CPNE8: variants seen among roughly 807,000 people sequenced by gnomAD.
CPNE8 encodes the protein copine-8.
Under a neutral mutation model 81.5 loss-of-function variants are expected in CPNE8, and 45 were observed. The ratio of observed to expected loss-of-function variants is 0.55; its 90% CI spans 0.44 to 0.71. The LOEUF (loss-of-function observed/expected upper bound fraction) is 0.71, where lower values mean the gene tolerates loss of function less well. Ranked by LOEUF, CPNE8 falls within the 30% of genes least tolerant of loss-of-function variation. The pLI is 0.00. For synonymous variants in CPNE8, 252 were observed against 226.3 expected, an observed-to-expected ratio of 1.11 and a Z score of -1.02; for missense variants, 594 against 672.1, an observed-to-expected ratio of 0.88 and a Z score of 1.28.
At chr12:38,791,386 T>C (rs1415233096) in intron 6 of CPNE8, among the ~76,000 whole-genome samples, 1 of 151,510 alleles carries the variant, frequency 6.6e-6, no homozygotes, top group African/African-American at 2.4e-5. Context: ...GTTATTAAAA[T>C]ATACTTACTA....
intron 16 of CPNE8, among the ~76,000 whole-genome samples, chr12:38,683,147 G>C (rs1939448542): frequency 6.6e-6 from 1 of 152,044 alleles, no homozygotes; most frequent in African/African-American, 2.4e-5. Flanking sequence ...GAGATACATA[G>C]ATATGAATCC....
intron 6 of CPNE8, among the ~76,000 whole-genome samples, chr12:38,778,499 C>T (rs1033408219): frequency 2.6e-5 from 4 of 152,168 alleles, no homozygotes; most frequent in Admixed American, 6.5e-5. Context: ...TTTGTGTTCA[C>T]TCCCATGCCT....
chr12:38,793,173 T>C (rs568026210), intron 6 of CPNE8, among the ~76,000 whole-genome samples: 1 of 143,264 alleles, frequency 7.0e-6, no homozygotes, highest in East Asian at 1.9e-4. Context: ...GGAAGGCAAG[T>C]ATGCCCACTC....
At chr12:38,894,658 A>ACTCTCTCTCTCT (rs60538878) in intron 1 of CPNE8, among the ~76,000 whole-genome samples, 1 of 124,460 alleles carries the variant, frequency 8.0e-6, no homozygotes, top group African/African-American at 3.2e-5. Flanking sequence ...ACTCCAGCTC[A>ACTCTCTCTCTCT]CTCTCTCTCT....
At chr12:38,737,521 C>T (rs534777219) in intron 10 of CPNE8, among the ~76,000 whole-genome samples, 4 of 152,164 alleles carry the variant, frequency 2.6e-5, no homozygotes, top group Admixed American at 6.5e-5. Context: ...TGGGCCAATG[C>T]TAAATATAGA....
chr12:38,819,981 C>T (rs1223498977), intron 6 of CPNE8, among the ~76,000 whole-genome samples: 2 of 151,820 alleles, frequency 1.3e-5, no homozygotes, highest in Admixed American at 6.6e-5. Flanking sequence ...TCAAACTATG[C>T]CATACACAAG....
chr12:38,815,661 T>G (rs1943012343), intron 6 of CPNE8, among the ~76,000 whole-genome samples: 1 of 152,204 alleles, frequency 6.6e-6, no homozygotes, highest in South Asian at 2.1e-4. Context: ...AAATTGCAAC[T>G]TTTGTTTAAA....
intron 10 of CPNE8, among the ~76,000 whole-genome samples, chr12:38,743,083 C>A (rs1203900277): frequency 2.0e-5 from 3 of 152,068 alleles, no homozygotes; most frequent in African/African-American, 7.2e-5. Context: ...AACTGAAAAT[C>A]TAAAATCTTA....
At chr12:38,683,363 T>A (rs1034386464) in intron 16 of CPNE8, among the ~76,000 whole-genome samples, 1 of 152,160 alleles carries the variant, frequency 6.6e-6, no homozygotes, top group East Asian at 1.9e-4. Flanking sequence ...TATTAACATA[T>A]ACAGAATTTG....
At chr12:38,802,761 A>G (rs1256698111) in intron 6 of CPNE8, among the ~76,000 whole-genome samples, 26 of 147,522 alleles carry the variant, frequency 1.8e-4, no homozygotes. Flanking sequence ...GACCGCTAGC[A>G]AGACTAATAA....
chr12:38,775,854 G>A (rs1043721888), intron 7 of CPNE8, among the ~76,000 whole-genome samples: 2 of 151,998 alleles, frequency 1.3e-5, no homozygotes, highest in Non-Finnish European at 2.9e-5. Flanking sequence ...ATACAAATGG[G>A]GTAAACTCAA....
upstream of CPNE8, chr12:38,906,494 G>T (rs931331841): frequency 3.9e-5 from 38 of 985,600 alleles, no homozygotes; most frequent in African/African-American, 5.2e-5. Context: ...AGGCATGAAA[G>T]TTCTGACCTG....
intron 11 of CPNE8, among the ~76,000 whole-genome samples, 173 bp downstream of exon 11, chr12:38,730,110 T>G (rs560860484): frequency 1.3e-5 from 2 of 152,002 alleles, no homozygotes; most frequent in Non-Finnish European, 2.9e-5. Context: ...TAAATGTGAC[T>G]TGAAGAAGTA....
At chr12:38,704,018 G>A (rs985939533) in intron 13 of CPNE8, among the ~76,000 whole-genome samples, 3 of 152,112 alleles carry the variant, frequency 2.0e-5, no homozygotes, top group African/African-American at 4.8e-5. Flanking sequence ...CAAACACCAC[G>A]TATTCTTCCT....
intron 10 of CPNE8, among the ~76,000 whole-genome samples, chr12:38,742,295 T>C (rs1000617158): frequency 1.6e-4 from 24 of 152,030 alleles, no homozygotes; most frequent in Non-Finnish European, 2.8e-4. Flanking sequence ...CCATCAATGA[T>C]AGACTGGATT....
At chr12:38,807,363 T>A (rs71463310) in intron 6 of CPNE8, among the ~76,000 whole-genome samples, 1 of 149,334 alleles carries the variant, frequency 6.7e-6, no homozygotes, top group East Asian at 2.0e-4. Context: ...ACTACAAGGC[T>A]ACAGTCACCA....
chr12:38,757,140 T>C (rs1312007270), intron 10 of CPNE8, among the ~76,000 whole-genome samples: 2 of 152,018 alleles, frequency 1.3e-5, no homozygotes, highest in Non-Finnish European at 2.9e-5. Flanking sequence ...ACTGAGCAAA[T>C]AATGTTTTTT....
chr12:38,873,991 G>A (rs760810842), intron 2 of CPNE8, among the ~76,000 whole-genome samples: 3 of 149,650 alleles, frequency 2.0e-5, no homozygotes, highest in Admixed American at 2.0e-4. Context: ...GGGTTGGGTG[G>A]GTCTCACTAT....
intron 13 of CPNE8, among the ~76,000 whole-genome samples, chr12:38,703,815 G>C (rs1041356188): frequency 6.6e-6 from 1 of 151,968 alleles, no homozygotes; most frequent in Non-Finnish European, 1.5e-5. Context: ...CAAGCTGAGG[G>C]CCAAATGAAG....
Sources: allele counts gnomAD v4.1 joint callset (sites outside exome capture counted in the v4.1 genomes callset), GRCh38; gene constraint gnomAD v4.1.1; transcripts MANE v1.5; gene names NCBI Gene and HGNC (gene_info 2026-07-23, HGNC 2026-07-21).